PCDHGA1: variants seen among roughly 807,000 people sequenced by gnomAD.
PCDHGA1 encodes protocadherin gamma subfamily A, 1.
In PCDHGA1, 32 loss-of-function variants were observed where a neutral mutation model predicts 58.0. That is an observed-to-expected ratio of 0.55 (90% CI 0.42 to 0.74). The LOEUF is 0.74. Ranked by LOEUF, PCDHGA1 falls within the 30% of genes least tolerant of loss-of-function variation. The pLI, the probability that PCDHGA1 is intolerant of heterozygous loss-of-function variation, is 0.00. For missense variants in PCDHGA1, 1,205 were observed against 1,182.3 expected (o/e 1.02, Z -0.28); for synonymous variants, 498 against 501.1 (o/e 0.99, Z 0.08).
chr5:141,340,174 C>T, intron 1 of PCDHGA1: 1 of 1,614,214 alleles, frequency 6.2e-7, no homozygotes, highest in Non-Finnish European at 8.5e-7. Flanking sequence ...TAGACAATTA[C>T]TACCGACTGG....
intron 1 of PCDHGA1, among the ~76,000 whole-genome samples, chr5:141,382,211 G>A (rs1778048764): frequency 6.6e-6 from 1 of 152,054 alleles, no homozygotes; most frequent in African/African-American, 2.4e-5. Flanking sequence ...ATTAAAATAG[G>A]TCTATATATT....
At chr5:141,509,570 G>A (rs2099877371) in intron 3 of PCDHGA1, among the ~76,000 whole-genome samples, 1 of 152,232 alleles carries the variant, frequency 6.6e-6, no homozygotes, top group South Asian at 2.1e-4. Flanking sequence ...AGCCTTCACA[G>A]TGCGTACAAA....
At chr5:141,349,698 T>C (rs1327837035) in intron 1 of PCDHGA1, among the ~76,000 whole-genome samples, 1 of 152,178 alleles carries the variant, frequency 6.6e-6, no homozygotes, top group African/African-American at 2.4e-5. Context: ...GTAGGTATTT[T>C]AGTCAACTAA....
rs1195194477 is a variant in PCDHGA1, at chr5:141,432,620, C to G, written c.2422-62187C>G. On this transcript the variant is annotated intron_variant, in intron 1 of 3. Transcript: ENST00000517417. The surrounding 1 kb of genome is among the most constrained non-coding windows in gnomAD (Gnocchi z 6.0). ...CGAGCCGGGACTCTTCTCGGTGGGTCTGCACACGGGCGAGGTGCGCACGGC... is the reference window on the plus strand; with the variant it reads ...CGAGCCGGGACTCTTCTCGGTGGGTGTGCACACGGGCGAGGTGCGCACGGC... 6 of 1,613,190 alleles carry G rather than the reference C, an allele frequency of 3.7e-6. No individual in the cohort carries two copies. Among genetic ancestry groups the G allele is most frequent in the Admixed American group, 1.7e-5 (1 of 59,978 alleles).
intron 1 of PCDHGA1, chr5:141,351,315 T>C: frequency 6.2e-7 from 1 of 1,613,888 alleles, no homozygotes; most frequent in Non-Finnish European, 8.5e-7. Flanking sequence ...TCTAACCAGA[T>C]TCCAGAGGAT....
At chr5:141,495,095 G>C (rs67264863) in intron 2 of PCDHGA1, among the ~76,000 whole-genome samples, 9,751 of 152,126 alleles carry the variant, frequency 0.064, 363 homozygotes, top group South Asian at 0.11. Context: ...TTCCCTCCTC[G>C]CCACGACCGG....
rs142588721 is a variant in PCDHGA1 at position 141,341,068 on chromosome 5, G to T, written c.2421+7963G>T. On this transcript the variant is annotated intron_variant, in intron 1 of 3. Transcript: ENST00000517417. Reference sequence around the variant, plus strand: ...TGTACCTGGTGGTGGCGGTGGCCGCGGTCTCCTGCGTCTTCCTGGCCTTCG... The same window carrying T: ...TGTACCTGGTGGTGGCGGTGGCCGCTGTCTCCTGCGTCTTCCTGGCCTTCG... 2.0e-5 allele frequency: 32 copies of T among 1,614,042 alleles called. No homozygotes were observed. In the South Asian group the frequency reaches 2.2e-4, roughly 11 times the overall value.
intron 1 of PCDHGA1, chr5:141,351,919 C>T: frequency 1.2e-6 from 2 of 1,613,366 alleles, no homozygotes; most frequent in African/African-American, 1.3e-5. Flanking sequence ...ACCTCAATGA[C>T]AATGCGCCAC....
Position 141,431,887 on chromosome 5 carries a change from T to G in PCDHGA1, c.2422-62920T>G. ...TTTTAAATGTAAATGACCAAGATTC[T>G]GAGGAAAACGGACAGGTGATCTGTT... On this transcript the variant is annotated intron_variant, in intron 1 of 3. Transcript: ENST00000517417. The surrounding 1 kb of genome is among the most constrained non-coding windows in gnomAD (Gnocchi z 4.8). 6.2e-7 allele frequency: 1 copy of G among 1,614,190 alleles called. No individual in the cohort carries two copies. Among genetic ancestry groups the G allele is most frequent in the Non-Finnish European group, 8.5e-7 (1 of 1,179,996 alleles).
chr5:141,361,963 C>T, intron 1 of PCDHGA1: 1 of 1,602,208 alleles, frequency 6.2e-7, no homozygotes. Context: ...CCACGTGCTG[C>T]AGGCCAGCGA....
chr5:141,448,449 T>A (rs528049717), intron 1 of PCDHGA1, among the ~76,000 whole-genome samples: 1 of 152,166 alleles, frequency 6.6e-6, no homozygotes, highest in Non-Finnish European at 1.5e-5. Context: ...CTGACTTCCA[T>A]CCCTATCCTA....
intron 1 of PCDHGA1, chr5:141,385,358 T>G: frequency 6.5e-7 from 1 of 1,546,418 alleles, no homozygotes; most frequent in South Asian, 1.3e-5. Context: ...CCATGAGGAA[T>G]TTATTTGCAT....
At chr5:141,488,207 TC>T (rs2099672969) in intron 1 of PCDHGA1, among the ~76,000 whole-genome samples, 1 of 152,216 alleles carries the variant, frequency 6.6e-6, no homozygotes, top group Non-Finnish European at 1.5e-5. Context: ...AGGACTCATA[TC>T]AAGTCCCTAC....
chr5:141,415,435 C>G, intron 1 of PCDHGA1: 1 of 1,614,202 alleles, frequency 6.2e-7, no homozygotes. Flanking sequence ...TCGGGCTTTC[C>G]TGCAGACCTA....
At chr5:141,417,621 A>G in intron 1 of PCDHGA1, 1 of 662,852 alleles carries the variant, frequency 1.5e-6, no homozygotes, top group Non-Finnish European at 2.4e-6. Context: ...GTGCAGAGCA[A>G]GCGCTGACGC....
Position 141,512,160 on chromosome 5 carries a change from G to A in PCDHGA1, c.*987G>A, listed in dbSNP as rs1227447365. On this transcript the variant is annotated 3_prime_UTR_variant, in exon 4 of 4. Coordinates refer to ENST00000517417, the MANE Select transcript of PCDHGA1 (RefSeq NM_018912.3). ...CAGCCAGCTTTGGGCTGAGCTAACA[G>A]GACCAATGGATTAAACTGGCATTTC... 1 of 152,730 alleles carries A rather than the reference G, an allele frequency of 6.5e-6. No individual in the cohort carries two copies. Among genetic ancestry groups the A allele is most frequent in the African/African-American group, 2.4e-5 (1 of 41,456 alleles). The allele number at this position is 152,730 out of a possible 1,614,324, so 9.5% of individuals were successfully genotyped here.
chr5:141,423,562 A>C (rs374427537), intron 1 of PCDHGA1: 1 of 1,613,612 alleles, frequency 6.2e-7, no homozygotes, highest in African/African-American at 1.3e-5. Context: ...CTATGGGGAC[A>C]CGCTCATCAG....
chr5:141,350,258 G>A, intron 1 of PCDHGA1: 1 of 1,510,816 alleles, frequency 6.6e-7, no homozygotes, highest in East Asian at 2.3e-5. Context: ...GAGAGTTCCT[G>A]AAATGCAGAG....
intron 1 of PCDHGA1, chr5:141,375,538 C>T: frequency 6.2e-7 from 1 of 1,614,018 alleles, no homozygotes; most frequent in Non-Finnish European, 8.5e-7. Context: ...ACCAGAACGC[C>T]CAAGTCTCCT....
Sources: allele counts gnomAD v4.1 joint callset (sites outside exome capture counted in the v4.1 genomes callset), GRCh38; gene constraint gnomAD v4.1.1; non-coding constraint Gnocchi (gnomAD v3.1); transcripts MANE v1.5; gene names NCBI Gene and HGNC (gene_info 2026-07-23, HGNC 2026-07-21).